HMGCLL1: variants seen among roughly 807,000 people sequenced by gnomAD.
The protein encoded by HMGCLL1 is 3-hydroxy-3-methylglutaryl-CoA lyase like 1.
HMGCLL1 carries 36 observed loss-of-function variants against 39.1 expected under a neutral mutation model. That is an observed-to-expected ratio of 0.92 (90% CI 0.71 to 1.22). The LOEUF is 1.22. Among genes scored for constraint, HMGCLL1 ranks in the 50% most tolerant of loss-of-function variants. HMGCLL1 has a pLI of 0.00. For synonymous variants in HMGCLL1, 149 were observed against 144.0 expected (o/e 1.03, Z -0.25); for missense variants, 451 against 416.5 (o/e 1.08, Z -0.72).
chr6:55,507,197 A>G (rs2127431929), intron 5 of HMGCLL1, among the ~76,000 whole-genome samples: 1 of 151,936 alleles, frequency 6.6e-6, no homozygotes, highest in African/African-American at 2.4e-5. Context: ...ACTCAAACAT[A>G]CAAAAATTAC....
intron 7 of HMGCLL1, among the ~76,000 whole-genome samples, chr6:55,461,082 A>G (rs1764540420): frequency 6.6e-6 from 1 of 152,004 alleles, no homozygotes; most frequent in South Asian, 2.1e-4. Flanking sequence ...CCCTGAATGT[A>G]GGAAAAAAAA....
intron 7 of HMGCLL1, among the ~76,000 whole-genome samples, chr6:55,468,353 G>A (rs1027664652): frequency 6.6e-6 from 1 of 151,944 alleles, no homozygotes; most frequent in Non-Finnish European, 1.5e-5. Context: ...AGAGAACAAT[G>A]CCTTATGGAA....
intron 1 of HMGCLL1, among the ~76,000 whole-genome samples, chr6:55,571,047 A>AT (rs1771460647): frequency 6.6e-6 from 1 of 152,186 alleles, no homozygotes; most frequent in South Asian, 2.1e-4. Context: ...CTATGATTCA[A>AT]TTATCTCCCA....
chr6:55,655,136 AT>A, the HMGCLL1 span, among the ~76,000 whole-genome samples: 2 of 151,914 alleles, frequency 1.3e-5, no homozygotes, highest in African/African-American at 4.8e-5. Context: ...CAGATAAGCT[AT>A]TTTCCCAATC....
At chr6:55,637,928 T>C in the HMGCLL1 span, among the ~76,000 whole-genome samples, 1 of 152,064 alleles carries the variant, frequency 6.6e-6, no homozygotes, top group Non-Finnish European at 1.5e-5. Context: ...AGATCCACAA[T>C]GGATGCCCAA....
At chr6:55,603,253 C>G in the HMGCLL1 span, among the ~76,000 whole-genome samples, 1 of 152,014 alleles carries the variant, frequency 6.6e-6, no homozygotes, top group South Asian at 2.1e-4. Flanking sequence ...AATATTTTAA[C>G]CTTTTCCTTA....
intron 5 of HMGCLL1, among the ~76,000 whole-genome samples, chr6:55,500,976 C>T (rs1581863370): frequency 6.6e-6 from 1 of 151,900 alleles, no homozygotes; most frequent in African/African-American, 2.4e-5. Context: ...AAACAAACCT[C>T]TCCTGCATTT....
chr6:55,659,568 C>A, the HMGCLL1 span, among the ~76,000 whole-genome samples: 4 of 151,868 alleles, frequency 2.6e-5, no homozygotes. Context: ...GGTGATTTTT[C>A]CAGACTTCTC....
At chr6:55,634,729 G>C in the HMGCLL1 span, among the ~76,000 whole-genome samples, 1 of 151,944 alleles carries the variant, frequency 6.6e-6, no homozygotes, top group Non-Finnish European at 1.5e-5. Flanking sequence ...ACCCATATTT[G>C]GTCCGTTATT....
intron 7 of HMGCLL1, among the ~76,000 whole-genome samples, chr6:55,466,754 C>G (rs1764813142): frequency 6.6e-6 from 1 of 152,070 alleles, no homozygotes; most frequent in South Asian, 2.1e-4. Flanking sequence ...AGTCTAGGAT[C>G]TGATCTGTTT....
At chr6:55,596,483 A>G in the HMGCLL1 span, among the ~76,000 whole-genome samples, 1 of 152,206 alleles carries the variant, frequency 6.6e-6, no homozygotes, top group Non-Finnish European at 1.5e-5. Context: ...CTCTAATGCA[A>G]CAAGCTTAAT....
chr6:55,453,420 C>T (rs1764188330), intron 7 of HMGCLL1, among the ~76,000 whole-genome samples: 1 of 152,106 alleles, frequency 6.6e-6, no homozygotes, highest in Non-Finnish European at 1.5e-5. Context: ...ACCTCGGCCT[C>T]CCAAAGTGCT....
intron 7 of HMGCLL1, among the ~76,000 whole-genome samples, chr6:55,443,898 A>G (rs1380113244): frequency 6.6e-6 from 1 of 152,188 alleles, no homozygotes. Context: ...AAAAGAAGAC[A>G]TACGTCATTT....
At chr6:55,570,752 T>G (rs956478095) in intron 1 of HMGCLL1, among the ~76,000 whole-genome samples, 1 of 152,206 alleles carries the variant, frequency 6.6e-6, no homozygotes, top group African/African-American at 2.4e-5. Flanking sequence ...TTGTGGCAGC[T>G]CACTTATTAA....
chr6:55,671,674 G>GAGTT, the HMGCLL1 span, among the ~76,000 whole-genome samples: 1 of 151,856 alleles, frequency 6.6e-6, no homozygotes, highest in East Asian at 1.9e-4. Flanking sequence ...GAACTACGTG[G>GAGTT]AGTTAGGTAC....
chr6:55,477,498 T>G (rs1471547303), intron 7 of HMGCLL1, among the ~76,000 whole-genome samples: 2 of 79,396 alleles, frequency 2.5e-5, no homozygotes, highest in Non-Finnish European at 4.9e-5. Context: ...ATATACATAT[T>G]ACATATATTA....
At chr6:55,580,715 G>T (rs1339055944), upstream of HMGCLL1, among the ~76,000 whole-genome samples, 5 of 152,112 alleles carry the variant, frequency 3.3e-5, no homozygotes, top group African/African-American at 7.2e-5. Flanking sequence ...GCGCCCAGCC[G>T]GATGTTTAAC....
chr6:55,536,192 G>A (rs62404044), intron 3 of HMGCLL1, among the ~76,000 whole-genome samples: 28,811 of 151,948 alleles, frequency 0.19, 2,896 homozygotes, highest in Admixed American at 0.26. Flanking sequence ...ATAATTATTT[G>A]TCTTTTACAT....
chr6:55,600,021 C>A, the HMGCLL1 span, among the ~76,000 whole-genome samples: 4 of 152,100 alleles, frequency 2.6e-5, no homozygotes, highest in African/African-American at 9.7e-5. Flanking sequence ...TAAAATTATT[C>A]TCTTACTTCA....
Sources: gnomAD v4.1 joint callset for allele counts (sites outside exome capture counted in the v4.1 genomes callset) on GRCh38, gnomAD v4.1.1 for gene constraint, MANE v1.5 for transcripts, NCBI Gene and HGNC (gene_info 2026-07-23, HGNC 2026-07-21) for gene names.